Variants in TMEM171 observed in about 807,000 individuals in gnomAD.
TMEM171 encodes proline-rich protein PRP2.
A neutral mutation model predicts 19.1 loss-of-function variants in TMEM171; 16 were observed. The observed-to-expected ratio is 0.84, with a 90% CI of 0.57 to 1.27. TMEM171 has a LOEUF of 1.27. Among genes scored for constraint, TMEM171 ranks in the 50% most tolerant of loss-of-function variants. The pLI, the probability that TMEM171 is intolerant of heterozygous loss-of-function variation, is 0.00. For missense variants in TMEM171, 429 were observed against 412.7 expected, an observed-to-expected ratio of 1.04 and a Z score of -0.34; for synonymous variants, 153 against 163.4, an observed-to-expected ratio of 0.94 and a Z score of 0.48.
intron 2 of TMEM171, among the ~76,000 whole-genome samples, chr5:73,125,694 G>A (rs1354556113): frequency 3.3e-5 from 5 of 152,184 alleles, no homozygotes; most frequent in East Asian, 3.9e-4. Context: ...GGAACGGTTC[G>A]AGGGGAGTTT....
chr5:73,129,935 G>C (rs994913377), intron 3 of TMEM171, among the ~76,000 whole-genome samples: 1 of 152,238 alleles, frequency 6.6e-6, no homozygotes, highest in African/African-American at 2.4e-5. Context: ...AGCGAGGCAG[G>C]CTCTAGTGGG....
At chr5:73,130,722 G>C (rs1245518245) in intron 3 of TMEM171, among the ~76,000 whole-genome samples, 1 of 152,152 alleles carries the variant, frequency 6.6e-6, no homozygotes, top group Admixed American at 6.5e-5. Flanking sequence ...GGGTCGTGAT[G>C]GGGGGATCCA....
At position 73,127,692 on chromosome 5, in the gene TMEM171, G is replaced by A. The variant is rs184340437; in HGVS notation, c.641-698G>A. Among the ~76,000 whole-genome samples, 858 of 147,388 alleles carry A rather than the reference G, an allele frequency of 5.8e-3. 7 individuals are homozygous for A. The highest frequency in any genetic ancestry group is 0.023 in the Middle Eastern group (6 of 266). ...ACTCCTGACCTCAAGTGATCCACCCGCTTCGGCCTTCCAAAATGCTGGGAT... is the reference window on the plus strand; with the variant it reads ...ACTCCTGACCTCAAGTGATCCACCCACTTCGGCCTTCCAAAATGCTGGGAT... On this transcript the variant is annotated intron_variant, in intron 2 of 3. Transcript: ENST00000454765.
At chr5:73,126,039 G>A (rs199863848) in intron 2 of TMEM171, among the ~76,000 whole-genome samples, 3 of 152,310 alleles carry the variant, frequency 2.0e-5, no homozygotes, top group East Asian at 1.9e-4. Context: ...TCTGAAAGAC[G>A]CATGAAAGGG....
chr5:73,127,853 A>G (rs955823103), intron 2 of TMEM171, among the ~76,000 whole-genome samples: 7 of 150,356 alleles, frequency 4.7e-5, no homozygotes, highest in African/African-American at 9.8e-5. Flanking sequence ...CAGTCCTCCT[A>G]TCTCAGCCTT....
At position 73,123,424 on chromosome 5, in the gene TMEM171, C is replaced by G. The variant is rs148099621; in HGVS notation, c.51C>G (p.His17Gln). Residue 17 changes from histidine (H) to glutamine (Q), a missense_variant, in exon 2 of 4, where the codon CAC becomes CAG. Physicochemically the swap from His to Gln is conservative, Grantham distance 24 (BLOSUM62 0). Transcript: ENST00000454765. ...AEPDGDQQDRHVSKLIFCFFV... is the reference protein window; with the variant it reads ...AEPDGDQQDRQVSKLIFCFFV... ...CAGATGGGGACCAGCAGGACAGACA[C>G]GTCAGCAAACTCATCTTCTGCTTCT... 26 of 1,614,178 alleles carry G rather than the reference C, an allele frequency of 1.6e-5. No homozygotes were observed. In the African/African-American group the frequency reaches 3.2e-4, roughly 20 times the overall value.
In TMEM171 at chr5:73,126,573, C is replaced by T. The variant is rs570756435; in HGVS notation, c.641-1817C>T. The stretch of plus-strand genomic sequence containing the variant: ...GAGAGAGTTGGCTCTGTGCTCCGCA[C>T]TGTGTTCACTGCCAGATGCAAATCA... On this transcript the variant is annotated intron_variant, in intron 2 of 3. Coordinates refer to ENST00000454765, the MANE Select transcript of TMEM171 (RefSeq NM_173490.8). 2.0e-5 allele frequency among the ~76,000 whole-genome samples: 3 copies of T among 152,328 alleles called. No homozygotes were observed. The South Asian group carries it at 6.2e-4, about 32-fold the overall frequency.
chr5:73,126,972 C>T (rs879777119), intron 2 of TMEM171, among the ~76,000 whole-genome samples: 1 of 152,124 alleles, frequency 6.6e-6, no homozygotes, highest in Non-Finnish European at 1.5e-5. Context: ...CTAGTTTCTC[C>T]TCAAAACATG....
intron 2 of TMEM171, 142 bp downstream of exon 2, chr5:73,124,155 C>G: frequency 1.4e-6 from 1 of 720,852 alleles, no homozygotes; most frequent in Non-Finnish European, 2.2e-6. Flanking sequence ...CACACACCCC[C>G]ATCATGTGTA....
intron 2 of TMEM171, among the ~76,000 whole-genome samples, chr5:73,125,981 T>C (rs1174660263): frequency 1.3e-5 from 2 of 152,172 alleles, no homozygotes. Context: ...ATGAGACAGC[T>C]CTCCTTGGAG....
intron 1 of TMEM171, among the ~76,000 whole-genome samples, chr5:73,122,276 C>A (rs1322228203): frequency 6.6e-6 from 1 of 152,136 alleles, no homozygotes; most frequent in Admixed American, 6.5e-5. Flanking sequence ...GCCACACCAG[C>A]CTTTGGGTAC....
chr5:73,125,822 C>CT lies in TMEM171; in HGVS notation c.640+1812dup, dbSNP rs539323291. 1.2e-3 allele frequency among the ~76,000 whole-genome samples: 186 copies of CT among 152,284 alleles called. 1 individual carries two copies. Among genetic ancestry groups the CT allele is most frequent in the Admixed American group, 3.1e-3 (48 of 15,300 alleles). On this transcript the variant is annotated intron_variant, in intron 2 of 3. Coordinates refer to ENST00000454765, the MANE Select transcript of TMEM171 (RefSeq NM_173490.8). ...GGTTTAAAATCTTTTCTACTTAACT[C>CT]TTTAAGTCCCCATCAAACCTATGAA...
intron 3 of TMEM171, among the ~76,000 whole-genome samples, chr5:73,130,310 G>C (rs10942549): frequency 0.26 from 40,140 of 152,088 alleles, 5,674 homozygotes; most frequent in South Asian, 0.36. Flanking sequence ...TCAGGGAGCA[G>C]GGCTGGAGAA....
chr5:73,127,877 A>G (rs1049697508), intron 2 of TMEM171, among the ~76,000 whole-genome samples: 1 of 151,318 alleles, frequency 6.6e-6, no homozygotes, highest in Non-Finnish European at 1.5e-5. Context: ...AGTAGCTGGG[A>G]CTGCAGGCGT....
chr5:73,123,509 G>T lies in TMEM171; in HGVS notation c.136G>T (p.Ala46Ser). Reference sequence around the variant, plus strand: ...CCTGCTCTCCATCTTTGGGTTCCAGGCATGCCAATATAAGCCCCTCCCAGA... The same window carrying T: ...CCTGCTCTCCATCTTTGGGTTCCAGTCATGCCAATATAAGCCCCTCCCAGA... Reference protein sequence around the residue: ...GVLLSIFGFQACQYKPLPDCP... With the variant: ...GVLLSIFGFQSCQYKPLPDCP... The change falls in exon 2 of 4, where the codon GCA (alanine) becomes TCA (serine). Residue 46 changes from alanine (A) to serine (S), a missense_variant. Transcript: ENST00000454765. The T allele has an allele frequency of 6.2e-7, 1 of 1,614,164 alleles. No individual in the cohort carries two copies. The highest frequency in any genetic ancestry group is 8.5e-7 in the Non-Finnish European group (1 of 1,180,028).
intron 1 of TMEM171, among the ~76,000 whole-genome samples, chr5:73,122,285 A>T (rs1342423680): frequency 1.2e-4 from 18 of 152,152 alleles, no homozygotes; most frequent in Admixed American, 1.1e-3. Flanking sequence ...GCCTTTGGGT[A>T]CCTGTCCACT....
At position 73,131,647 on chromosome 5, in the gene TMEM171, T is replaced by C. The variant is rs774570331; in HGVS notation, c.892T>C (p.Ser298Pro). Residue 298 changes from serine (S) to proline (P), a missense_variant, in exon 4 of 4, where the codon TCT becomes CCT. Ser to Pro is a moderately conservative substitution (Grantham distance 74, BLOSUM62 -1). Coordinates refer to ENST00000454765, the MANE Select transcript of TMEM171 (RefSeq NM_173490.8). ...SEASHTPHLPSELPPRYEEKE... is the reference protein window; with the variant it reads ...SEASHTPHLPPELPPRYEEKE... Reference sequence around the variant, plus strand: ...GGCCTCACACACTCCACATCTTCCATCTGAATTGCCTCCTAGATATGAAGA... The same window carrying C: ...GGCCTCACACACTCCACATCTTCCACCTGAATTGCCTCCTAGATATGAAGA... The C allele has an allele frequency of 6.2e-7, 1 of 1,614,000 alleles. No homozygotes were observed. Among genetic ancestry groups the C allele is most frequent in the Non-Finnish European group, 8.5e-7 (1 of 1,179,982 alleles).
At chr5:73,127,845 GTCC>G (rs1744219048) in intron 2 of TMEM171, among the ~76,000 whole-genome samples, 1 of 151,250 alleles carries the variant, frequency 6.6e-6, no homozygotes, top group Admixed American at 6.6e-5. Context: ...GGCTCAAGCA[GTCC>G]TCCTATCTCA....
At chr5:73,129,938 C>T (rs1275495935) in intron 3 of TMEM171, among the ~76,000 whole-genome samples, 1 of 152,194 alleles carries the variant, frequency 6.6e-6, no homozygotes, top group African/African-American at 2.4e-5. Flanking sequence ...GAGGCAGGCT[C>T]TAGTGGGACG....
Sources: gnomAD v4.1 joint callset for allele counts (sites outside exome capture counted in the v4.1 genomes callset) on GRCh38, gnomAD v4.1.1 for gene constraint, MANE v1.5 for transcripts, NCBI Gene and HGNC (gene_info 2026-07-23, HGNC 2026-07-21) for gene names.